Variants in CLVS1 observed in about 807,000 individuals in gnomAD.
The protein encoded by CLVS1 is clavesin 1.
Under a neutral mutation model 33.1 loss-of-function variants are expected in CLVS1, and 10 were observed. The ratio of observed to expected loss-of-function variants is 0.30; its 90% CI spans 0.19 to 0.51. CLVS1 has a LOEUF of 0.51. Among genes scored for constraint, CLVS1 ranks in the 20% least tolerant of loss-of-function variants. The pLI, the probability that CLVS1 is intolerant of heterozygous loss-of-function variation, is 0.97. For missense variants in CLVS1, 343 were observed against 433.4 expected, an observed-to-expected ratio of 0.79 and a Z score of 1.85; for synonymous variants, 163 against 166.1, an observed-to-expected ratio of 0.98 and a Z score of 0.14.
chr8:61,241,471 C>A (rs1808696581), intron 2 of CLVS1, among the ~76,000 whole-genome samples: 1 of 151,554 alleles, frequency 6.6e-6, no homozygotes, highest in Non-Finnish European at 1.5e-5. Flanking sequence ...ATATATATTC[C>A]AATATATAAT....
intron 2 of CLVS1, among the ~76,000 whole-genome samples, chr8:61,186,751 C>T (rs1411187730): frequency 1.3e-5 from 2 of 152,072 alleles, no homozygotes; most frequent in African/African-American, 4.8e-5. Context: ...CTTAAAATAA[C>T]CTTGAGAGTC....
chr8:61,399,428 T>G (rs1171065968), intron 3 of CLVS1, among the ~76,000 whole-genome samples: 1 of 152,212 alleles, frequency 6.6e-6, no homozygotes, highest in East Asian at 1.9e-4. Context: ...GTAAGTTCCT[T>G]GTAAATGCTG....
chr8:61,219,927 G>C (rs1352879676), intron 2 of CLVS1, among the ~76,000 whole-genome samples: 2 of 152,030 alleles, frequency 1.3e-5, no homozygotes, highest in African/African-American at 4.8e-5. Flanking sequence ...TCATATGTTT[G>C]TTGGCCATGT....
intron 5 of CLVS1, among the ~76,000 whole-genome samples, chr8:61,484,109 A>G (rs561072682): frequency 7.9e-5 from 12 of 152,342 alleles, no homozygotes; most frequent in African/African-American, 2.2e-4. Flanking sequence ...CAGGCAAGAG[A>G]AAGAAATATA....
intron 2 of CLVS1, among the ~76,000 whole-genome samples, chr8:61,279,436 A>C (rs1015671029): frequency 1.3e-5 from 2 of 152,216 alleles, no homozygotes; most frequent in African/African-American, 4.8e-5. Context: ...CTGACTTGCA[A>C]GTTACAAATG....
chr8:61,047,323 A>G, the CLVS1 span, among the ~76,000 whole-genome samples: 1 of 152,198 alleles, frequency 6.6e-6, no homozygotes, highest in Non-Finnish European at 1.5e-5. Flanking sequence ...GCTGGAGAGG[A>G]TGTGGAGAAA....
intron 5 of CLVS1, among the ~76,000 whole-genome samples, chr8:61,490,064 C>T (rs1405889024): frequency 6.6e-6 from 1 of 152,030 alleles, no homozygotes; most frequent in Non-Finnish European, 1.5e-5. Flanking sequence ...ACCTGTAATC[C>T]CAGCACTTTG....
At chr8:61,044,176 TA>T in the CLVS1 span, among the ~76,000 whole-genome samples, 2 of 152,034 alleles carry the variant, frequency 1.3e-5, no homozygotes, top group African/African-American at 4.8e-5. Context: ...GGTATCTGGG[TA>T]GAATGGGATG....
chr8:61,306,952 C>T (rs1383855064), intron 2 of CLVS1, among the ~76,000 whole-genome samples: 1 of 152,198 alleles, frequency 6.6e-6, no homozygotes, highest in African/African-American at 2.4e-5. Flanking sequence ...TCTGCAAAGA[C>T]CTCTGAGATA....
chr8:61,375,557 C>T (rs1322754970), intron 2 of CLVS1, among the ~76,000 whole-genome samples: 1 of 152,152 alleles, frequency 6.6e-6, no homozygotes, highest in Non-Finnish European at 1.5e-5. Context: ...CCCTGGCTTA[C>T]ATTTTTATCA....
the CLVS1 span, among the ~76,000 whole-genome samples, chr8:61,006,641 T>C: frequency 3.3e-5 from 5 of 152,220 alleles, no homozygotes; most frequent in Non-Finnish European, 5.9e-5. Context: ...TTTTCTAGCA[T>C]CTATAATTGA....
intron 2 of CLVS1, among the ~76,000 whole-genome samples, chr8:61,138,960 G>A (rs1479890714): frequency 1.3e-5 from 2 of 152,262 alleles, no homozygotes; most frequent in Non-Finnish European, 2.9e-5. Flanking sequence ...TGCAGGAGAG[G>A]AAAGTCGTCC....
At chr8:61,316,844 A>G (rs1464490155) in intron 2 of CLVS1, among the ~76,000 whole-genome samples, 2 of 152,138 alleles carry the variant, frequency 1.3e-5, no homozygotes, top group Non-Finnish European at 2.9e-5. Flanking sequence ...GAGCCTAGAC[A>G]AGTTAATTTA....
At chr8:61,241,000 GT>G (rs1175253137) in intron 2 of CLVS1, among the ~76,000 whole-genome samples, 1 of 147,760 alleles carries the variant, frequency 6.8e-6, no homozygotes, top group African/African-American at 2.5e-5. Flanking sequence ...ATTTCTCACA[GT>G]TCTGGAGGCT....
At chr8:61,281,212 G>C (rs1809664637) in intron 2 of CLVS1, among the ~76,000 whole-genome samples, 1 of 152,168 alleles carries the variant, frequency 6.6e-6, no homozygotes, top group African/African-American at 2.4e-5. Flanking sequence ...TAAGCTGTGT[G>C]AGAAGGATGA....
In CLVS1 at chr8:61,135,666, G is replaced by C. The variant is rs1353846055; in HGVS notation, c.-152+3806G>C. Among the ~76,000 whole-genome samples, 3 of 152,178 alleles carry C rather than the reference G, an allele frequency of 2.0e-5. No homozygotes were observed. The East Asian group carries it at 5.8e-4, about 29-fold the overall frequency. The stretch of plus-strand genomic sequence containing the variant: ...CCTCACTTCTGGAACCAATATATTT[G>C]TTTTTATTTTTCTGAAGTCAGTTGG... On this transcript the variant is annotated intron_variant, in intron 2 of 2. Transcript: ENST00000522621.
rs146253895 is a variant in CLVS1, at chr8:61,444,645, C to T, written c.631-9496C>T. 3.9e-3 allele frequency among the ~76,000 whole-genome samples: 594 copies of T among 152,312 alleles called. 2 individuals are homozygous for T. The highest frequency in any genetic ancestry group is 0.013 in the African/African-American group (539 of 41,564). ...ATCCCTAGAAACAGGGAGCATTCCA[C>T]ACTACAGAATGGAGTCACATGGGAA... On this transcript the variant is annotated intron_variant, in intron 3 of 5. Coordinates refer to ENST00000325897, the MANE Select transcript of CLVS1 (RefSeq NM_173519.3).
At chr8:61,351,419 G>A (rs1015098371) in intron 2 of CLVS1, among the ~76,000 whole-genome samples, 1 of 152,070 alleles carries the variant, frequency 6.6e-6, no homozygotes. Context: ...TACTGGAAAA[G>A]TAACTGAATA....
At chr8:61,083,338 G>T (rs188763842) in intron 1 of CLVS1, among the ~76,000 whole-genome samples, 1 of 152,162 alleles carries the variant, frequency 6.6e-6, no homozygotes, top group Non-Finnish European at 1.5e-5. Flanking sequence ...CATCAACTTG[G>T]TGCCTTGCCA....
Sources: allele counts gnomAD v4.1 joint callset (sites outside exome capture counted in the v4.1 genomes callset), GRCh38; gene constraint gnomAD v4.1.1; transcripts MANE v1.5; gene names NCBI Gene and HGNC (gene_info 2026-07-23, HGNC 2026-07-21).